Variants in FHIP2A observed in about 807,000 individuals in gnomAD.
FHIP2A encodes the protein family with sequence similarity 160 member B1.
In FHIP2A, 46 loss-of-function variants were observed where a neutral mutation model predicts 93.5. The ratio of observed to expected loss-of-function variants is 0.49; its 90% CI spans 0.39 to 0.63. The LOEUF is 0.63. FHIP2A is among the 20% of genes least tolerant of loss of function. The pLI, the probability that FHIP2A is intolerant of heterozygous loss-of-function variation, is 0.00. For synonymous variants in FHIP2A, 332 were observed against 326.5 expected (o/e 1.02, Z -0.18); for missense variants, 769 against 909.7 (o/e 0.85, Z 1.99).
intron 16 of FHIP2A, among the ~76,000 whole-genome samples, chr10:114,874,723 C>G (rs1190661209): frequency 1.3e-5 from 2 of 152,082 alleles, no homozygotes; most frequent in Non-Finnish European, 2.9e-5. Context: ...AGGCTGGTCT[C>G]GAACTCCTGA....
intron 7 of FHIP2A, among the ~76,000 whole-genome samples, chr10:114,844,719 C>T (rs538343660): frequency 2.0e-5 from 3 of 152,236 alleles, no homozygotes; most frequent in South Asian, 2.1e-4. Context: ...TACTTGGTAA[C>T]ATTTAGGGCA....
At chr10:114,855,168 T>C (rs762150673) in intron 13 of FHIP2A, 29 bp from the exon 14 acceptor site, 1 of 1,587,872 alleles carries the variant, frequency 6.3e-7, no homozygotes, top group Non-Finnish European at 8.6e-7. Context: ...TTTTGTTCTT[T>C]AATGATTCAC....
At chr10:114,870,399 C>A (rs945599566) in intron 16 of FHIP2A, among the ~76,000 whole-genome samples, 5 of 149,342 alleles carry the variant, frequency 3.3e-5, no homozygotes, top group African/African-American at 1.2e-4. Context: ...ATATATATAT[C>A]TTTTACAGGA....
At chr10:114,899,460 A>G in intron 16 of FHIP2A, 1 of 718,452 alleles carries the variant, frequency 1.4e-6, no homozygotes, top group Non-Finnish European at 2.6e-6. Flanking sequence ...TCTTACCTTC[A>G]TTTCCTGATC....
At position 114,863,731 on chromosome 10, in the gene FHIP2A, C is replaced by T. The variant is rs1441456662; in HGVS notation, c.*2191C>T. The T allele has an allele frequency of 7.7e-7, 1 of 1,291,162 alleles. No homozygotes were observed. Among genetic ancestry groups the T allele is most frequent in the Non-Finnish European group, 1.0e-6 (1 of 984,894 alleles). The allele number at this position is 1,291,162 out of a possible 1,614,324, so 80.0% of individuals were successfully genotyped here. On this transcript the variant is annotated 3_prime_UTR_variant, in exon 17 of 17. Transcript: ENST00000369248. ...TGTACTGCATCACCAGTTTTTCTTA[C>T]CTTCTGTTGACAGCTGAATATTTCT...
In FHIP2A at chr10:114,845,378, A is replaced by G; in HGVS notation, c.1025A>G (p.Tyr342Cys). The change falls in exon 8 of 17, where the codon TAT becomes TGT. Residue 342 changes from tyrosine to cysteine, a missense_variant. Physicochemically the swap from Tyr to Cys is radical, Grantham distance 194. Transcript: ENST00000369248. ...VEAINWGLDS[Y>C]SHKEDASAFP... ...TCCTTGTCTTACAGCTTGGACTCAT[A>G]TAGTCATAAAGAAGATGCTTCAGCA... is the stretch of plus-strand genomic sequence containing the variant. 6.2e-7 allele frequency: 1 copy of G among 1,603,430 alleles called. No individual in the cohort carries two copies. Among genetic ancestry groups the G allele is most frequent in the Non-Finnish European group, 8.5e-7 (1 of 1,170,494 alleles).
chr10:114,846,169 G>A lies in FHIP2A; in HGVS notation c.1206-6G>A. 1 of 1,613,796 alleles carries A rather than the reference G, an allele frequency of 6.2e-7. No homozygotes were observed. Among genetic ancestry groups the A allele is most frequent in the South Asian group, 1.1e-5 (1 of 91,068 alleles). ...TGCCCACTGACTACCTGTTCATTGTGCTCAGTTCTGAGATGGGTATTCTCA... is the reference window on the plus strand; with the variant it reads ...TGCCCACTGACTACCTGTTCATTGTACTCAGTTCTGAGATGGGTATTCTCA... On this transcript the variant is annotated splice_region_variant and splice_polypyrimidine_tract_variant and intron_variant, in intron 9 of 16. Transcript: ENST00000369248.
chr10:114,886,533 AT>A (rs1023212769), intron 16 of FHIP2A, among the ~76,000 whole-genome samples: 7 of 151,832 alleles, frequency 4.6e-5, no homozygotes, highest in African/African-American at 1.7e-4. Flanking sequence ...CTATTTTGCT[AT>A]TTTTGTGTTT....
chr10:114,835,913 G>A (rs1006804775), intron 4 of FHIP2A, among the ~76,000 whole-genome samples: 5 of 151,762 alleles, frequency 3.3e-5, no homozygotes, highest in South Asian at 2.1e-4. Flanking sequence ...TATATAACTC[G>A]TTAATTATTT....
At chr10:114,822,269 T>G (rs2143008819) in intron 1 of FHIP2A, 146 bp downstream of exon 1, 5 of 264,972 alleles carry the variant, frequency 1.9e-5, no homozygotes, top group East Asian at 1.3e-4. Context: ...GCGGGCGCCC[T>G]GGGCGGCCGC....
chr10:114,888,215 A>G (rs1330745449), intron 16 of FHIP2A, among the ~76,000 whole-genome samples: 1 of 152,190 alleles, frequency 6.6e-6, no homozygotes, highest in Non-Finnish European at 1.5e-5. Flanking sequence ...CAGATGCCTC[A>G]GCATTCCTTG....
chr10:114,877,828 TA>T (rs2083896925), intron 16 of FHIP2A, among the ~76,000 whole-genome samples: 1 of 152,140 alleles, frequency 6.6e-6, no homozygotes, highest in Non-Finnish European at 1.5e-5. Context: ...CATTTTCAAA[TA>T]ATAACACCCT....
At position 114,822,039 on chromosome 10, in the gene FHIP2A, C is replaced by A; in HGVS notation, c.-40C>A. On this transcript the variant is annotated 5_prime_UTR_variant, in exon 1 of 17. Transcript: ENST00000369248. ...GGCGGCGGCGGATCGAGGAGCTCTC[C>A]AGGTCGTCCCGGGAGAGGCTGCTGC... 1 of 1,253,734 alleles carries A rather than the reference C, an allele frequency of 8.0e-7. No homozygotes were observed. The highest frequency in any genetic ancestry group is 1.0e-6 in the Non-Finnish European group (1 of 975,678). 77.7% of individuals were successfully genotyped at this position (1,253,734 alleles called of 1,614,324 possible).
chr10:114,830,190 T>G (rs1256115321), intron 1 of FHIP2A, among the ~76,000 whole-genome samples: 1 of 152,106 alleles, frequency 6.6e-6, no homozygotes, highest in Non-Finnish European at 1.5e-5. Context: ...CAAAGATTCC[T>G]GGCTATTAGT....
chr10:114,842,798 A>G lies in FHIP2A; in HGVS notation c.523-135A>G, dbSNP rs191227819. ...AAAACACAGTTTGTTAAAAGTCAGA[A>G]TATTTTCATGTGACATAACATCTAT... On this transcript the variant is annotated intron_variant, in intron 5 of 16. Coordinates refer to ENST00000369248, the MANE Select transcript of FHIP2A (RefSeq NM_020940.4). The G allele has an allele frequency of 4.0e-5, 25 of 626,376 alleles. No individual in the cohort carries two copies. The African/African-American group carries it at 4.0e-4, about 10-fold the overall frequency. The allele number at this position is 626,376 out of a possible 1,614,324, so 38.8% of individuals were successfully genotyped here. A position where few individuals can be genotyped will look rare whatever the true frequency, so the allele number is the denominator to read the frequency against.
In FHIP2A at chr10:114,846,199, C is replaced by T. The variant is rs753684398; in HGVS notation, c.1230C>T (p.Ser410=). 9 of 1,614,020 alleles carry T rather than the reference C, an allele frequency of 5.6e-6. No individual in the cohort carries two copies. In the African/African-American group the frequency reaches 1.1e-4, roughly 19 times the overall value. The change falls in exon 10 of 17, where the codon TCC becomes TCT. Residue 410 remains serine (S), a synonymous_variant. Transcript: ENST00000369248. ...MQTSEMGILT[S]TALLHRIVRQ... is the part of the protein sequence containing the mutation. ...GTTCTGAGATGGGTATTCTCACATC[C>T]ACTGCTCTGCTTCATCGCATCGTTC... is the stretch of plus-strand genomic sequence containing the variant.
intron 13 of FHIP2A, among the ~76,000 whole-genome samples, chr10:114,850,304 G>A (rs2083727092): frequency 6.6e-6 from 1 of 152,134 alleles, no homozygotes; most frequent in African/African-American, 2.4e-5. Context: ...TACCCCAGGA[G>A]GTGTGAAGTG....
intron 14 of FHIP2A, among the ~76,000 whole-genome samples, chr10:114,860,380 T>G (rs1215995462): frequency 6.6e-6 from 1 of 152,136 alleles, no homozygotes; most frequent in Non-Finnish European, 1.5e-5. Context: ...GAGACAGAGT[T>G]TCGCTCTTGT....
chr10:114,827,998 A>T (rs1175151621), intron 1 of FHIP2A, among the ~76,000 whole-genome samples: 2 of 123,572 alleles, frequency 1.6e-5, no homozygotes, highest in Admixed American at 1.6e-4. Context: ...CTTGATACTG[A>T]TTCACACTTT....
Sources: allele counts gnomAD v4.1 joint callset (sites outside exome capture counted in the v4.1 genomes callset), GRCh38; gene constraint gnomAD v4.1.1; transcripts MANE v1.5; gene names NCBI Gene and HGNC (gene_info 2026-07-23, HGNC 2026-07-21).